Variants in INHBA observed in about 807,000 individuals in gnomAD.
The protein encoded by INHBA is inhibin subunit beta A, also known as inhibin beta A chain.
In INHBA, 1 loss-of-function variant was observed where a neutral mutation model predicts 29.0. The observed-to-expected ratio is 0.03, with a 90% CI of 0.01 to 0.16. The LOEUF (loss-of-function observed/expected upper bound fraction) is 0.16, where lower values mean the gene tolerates loss of function less well. Among genes scored for constraint, INHBA ranks in the 10% least tolerant of loss-of-function variants. The pLI is 1.00. For synonymous variants in INHBA, 242 were observed against 216.8 expected (o/e 1.12, Z -1.02); for missense variants, 376 against 545.4 (o/e 0.69, Z 3.09).
At chr7:41,694,514 C>T (rs866468360) in intron 2 of INHBA, among the ~76,000 whole-genome samples, 16 of 152,196 alleles carry the variant, frequency 1.1e-4, no homozygotes, top group Non-Finnish European at 1.9e-4. Flanking sequence ...TCCCATAGTG[C>T]GCCGTGAGCA....
Position 41,689,462 on chromosome 7 carries a change from T to C in INHBA, c.*188A>G, listed in dbSNP as rs1794450653. The C allele has an allele frequency of 2.5e-5, 14 of 555,526 alleles. No homozygotes were observed. The Admixed American group carries it at 3.1e-4, about 12-fold the overall frequency. The allele number at this position is 555,526 out of a possible 1,614,324, so 34.4% of individuals were successfully genotyped here. Reference sequence around the variant, plus strand: ...CTCTGAGCCCTGGCTAAGGATTTTTTCCACATCTTCCTTCATCTGTTTCAT... The same window carrying C: ...CTCTGAGCCCTGGCTAAGGATTTTTCCCACATCTTCCTTCATCTGTTTCAT... On this transcript the variant is annotated 3_prime_UTR_variant, in exon 3 of 3. Transcript: ENST00000242208.
At chr7:41,701,988 C>T (rs1794807768) in intron 1 of INHBA, among the ~76,000 whole-genome samples, 1 of 152,114 alleles carries the variant, frequency 6.6e-6, no homozygotes, top group African/African-American at 2.4e-5. Context: ...CTTCCCCCTC[C>T]CCTCTTTTTC....
At position 41,689,116 on chromosome 7, in the gene INHBA, G is replaced by A. The variant is rs1439602412; in HGVS notation, c.*534C>T. 8.6e-6 allele frequency: 2 copies of A among 233,528 alleles called. No individual in the cohort carries two copies. Among genetic ancestry groups the A allele is most frequent in the Non-Finnish European group, 1.7e-5 (2 of 118,386 alleles). 14.5% of individuals were successfully genotyped at this position (233,528 alleles called of 1,614,324 possible). ...TGTGGAAATGCCTGTGTGTGTGTGTGTGTGTGTGTGTGTGTGTGTGTATGC... is the reference window on the plus strand; with the variant it reads ...TGTGGAAATGCCTGTGTGTGTGTGTATGTGTGTGTGTGTGTGTGTGTATGC... On this transcript the variant is annotated 3_prime_UTR_variant, in exon 3 of 3. Coordinates refer to ENST00000242208, the MANE Select transcript of INHBA (RefSeq NM_002192.4).
chr7:41,699,870 C>G (rs1352334818), intron 2 of INHBA, 117 bp downstream of exon 2: 4 of 773,448 alleles, frequency 5.2e-6, no homozygotes, highest in Non-Finnish European at 8.3e-6. Flanking sequence ...AACTAATAAC[C>G]TTCCCAGGCA....
chr7:41,699,892 A>T, intron 2 of INHBA, 95 bp downstream of exon 2: 1 of 858,678 alleles, frequency 1.2e-6, no homozygotes, highest in Non-Finnish European at 1.8e-6. Flanking sequence ...TTTCCAGCTG[A>T]AGGGAAAAGA....
chr7:41,703,667 C>T (rs1373275131), upstream of INHBA, among the ~76,000 whole-genome samples: 1 of 151,998 alleles, frequency 6.6e-6, no homozygotes, highest in Non-Finnish European at 1.5e-5. Context: ...AAATTGAATG[C>T]CTGCTTCATA....
At chr7:41,703,493 T>C (rs766765698), upstream of INHBA, among the ~76,000 whole-genome samples, 2 of 152,180 alleles carry the variant, frequency 1.3e-5, no homozygotes, top group Admixed American at 1.3e-4. Flanking sequence ...TATTTTATTG[T>C]TTCTTTCAGG....
chr7:41,694,987 G>T (rs1794611244), intron 2 of INHBA, among the ~76,000 whole-genome samples: 1 of 152,122 alleles, frequency 6.6e-6, no homozygotes, highest in South Asian at 2.1e-4. Context: ...AAAATGTTTT[G>T]AATAAGTCAA....
At chr7:41,704,339 G>A (rs1794863414), upstream of INHBA, among the ~76,000 whole-genome samples, 1 of 151,796 alleles carries the variant, frequency 6.6e-6, no homozygotes, top group East Asian at 1.9e-4. Flanking sequence ...AACTGCATAT[G>A]CAGAAATGAA....
Position 41,689,770 on chromosome 7 carries a change from G to C in INHBA, c.1161C>G (p.Leu387=), listed in dbSNP as rs1794459103. 1 of 1,614,084 alleles carries C rather than the reference G, an allele frequency of 6.2e-7. No homozygotes were observed. The highest frequency in any genetic ancestry group is 8.5e-7 in the Non-Finnish European group (1 of 1,180,020). The part of the protein sequence containing the change: ...RMRGHSPFAN[L]KSCCVPTKLR... Reference sequence around the variant, plus strand: ...GCTTGGTGGGCACACAGCACGATTTGAGGTTGGCAAAGGGGCTATGGCCCC... The same window carrying C: ...GCTTGGTGGGCACACAGCACGATTTCAGGTTGGCAAAGGGGCTATGGCCCC... Residue 387 remains leucine (L), a synonymous_variant, in exon 3 of 3, where the codon CTC becomes CTG. Transcript: ENST00000242208.
In INHBA at chr7:41,687,558, T is replaced by A. The variant is rs1794413605; in HGVS notation, c.*2092A>T. The A allele has an allele frequency of 1.3e-5, 2 of 152,192 alleles. No individual in the cohort carries two copies. Among genetic ancestry groups the A allele is most frequent in the Admixed American group, 1.3e-4 (2 of 15,284 alleles). The allele number at this position is 152,192 out of a possible 1,614,324, so 9.4% of individuals were successfully genotyped here. A position where few individuals can be genotyped will look rare whatever the true frequency, so the allele number is the denominator to read the frequency against. On this transcript the variant is annotated 3_prime_UTR_variant, in exon 3 of 3. Coordinates refer to ENST00000242208, the MANE Select transcript of INHBA (RefSeq NM_002192.4). ...TGATATTTATAAAACAAAGGTGTTT[T>A]TTTTTCATTTCTGCATCTGAATCAA... is the stretch of plus-strand genomic sequence containing the variant.
In INHBA at chr7:41,700,308, T is replaced by G; in HGVS notation, c.67A>C (p.Thr23Pro). ...SCWIIVRSSP[T>P]PGSEGHSAAP... is the part of the protein sequence containing the mutation. ...GCGCTGTGCCCCTCGGATCCTGGGG[T>G]GGGGGAACTCCTCACTATAATCCAG... Residue 23 changes from threonine to proline, a missense_variant, in exon 2 of 3, where the codon ACC becomes CCC. Around this residue, in one of 4 missense-constraint regions of INHBA, gnomAD observed 71 missense variants for 77.0 expected, o/e 0.92. Coordinates refer to ENST00000242208, the MANE Select transcript of INHBA (RefSeq NM_002192.4). The G allele has an allele frequency of 1.3e-6, 2 of 1,570,210 alleles. No homozygotes were observed. Among genetic ancestry groups the G allele is most frequent in the Non-Finnish European group, 1.7e-6 (2 of 1,157,418 alleles).
rs951109248 is a variant in INHBA at position 41,688,798 on chromosome 7, C to T, written c.*852G>A. On this transcript the variant is annotated 3_prime_UTR_variant, in exon 3 of 3. Coordinates refer to ENST00000242208, the MANE Select transcript of INHBA (RefSeq NM_002192.4). Reference sequence around the variant, plus strand: ...AAACATATTCCTTTCAAGTATCTCTCCTTGAAGAAAATAAAAATTAATCAG... The same window carrying T: ...AAACATATTCCTTTCAAGTATCTCTTCTTGAAGAAAATAAAAATTAATCAG... 15 of 201,564 alleles carry T rather than the reference C, an allele frequency of 7.4e-5. 1 individual carries two copies. Among genetic ancestry groups the T allele is most frequent in the African/African-American group, 3.5e-4 (15 of 43,434 alleles). The allele number at this position is 201,564 out of a possible 1,614,324, so 12.5% of individuals were successfully genotyped here.
At position 41,687,426 on chromosome 7, in the gene INHBA, A is replaced by C. The variant is rs1297248068; in HGVS notation, c.*2224T>G. On this transcript the variant is annotated 3_prime_UTR_variant, in exon 3 of 3. Coordinates refer to ENST00000242208, the MANE Select transcript of INHBA (RefSeq NM_002192.4). The stretch of plus-strand genomic sequence containing the variant: ...CAACTTCACACAAGTGTGTAAAAAT[A>C]GGGCTCTGGATTTTCAAAAGCACAT... 1.3e-5 allele frequency: 2 copies of C among 152,332 alleles called. No homozygotes were observed. Among genetic ancestry groups the C allele is most frequent in the East Asian group, 1.9e-4 (1 of 5,188 alleles). 9.4% of individuals were successfully genotyped at this position (152,332 alleles called of 1,614,324 possible). A position where few individuals can be genotyped will look rare whatever the true frequency, so the allele number is the denominator to read the frequency against.
rs1249233562 is a variant in INHBA, at chr7:41,689,528, TTTTTTTGTTTTG to T, written c.*110_*121del. ...ATTTACTTTTGTTTTTTTTTGTTTT[TTTTTTTGTTTTG>T]TTTTTAATTTCTATTTTTCTGGTTA... On this transcript the variant is annotated 3_prime_UTR_variant, in exon 3 of 3. Coordinates refer to ENST00000242208, the MANE Select transcript of INHBA (RefSeq NM_002192.4). The T allele has an allele frequency of 2.4e-6, 2 of 819,516 alleles. No individual in the cohort carries two copies. The highest frequency in any genetic ancestry group is 3.4e-6 in the Non-Finnish European group (2 of 588,978). The allele number at this position is 819,516 out of a possible 1,614,324, so 50.8% of individuals were successfully genotyped here.
At chr7:41,701,760 T>C (rs1794802045) in intron 1 of INHBA, among the ~76,000 whole-genome samples, 1 of 152,216 alleles carries the variant, frequency 6.6e-6, no homozygotes, top group African/African-American at 2.4e-5. Context: ...GAAAAGACTC[T>C]CTAAAATATA....
Position 41,689,523 on chromosome 7 carries a change from G to GTTTTTTTTTTTT in INHBA, c.*126_*127insAAAAAAAAAAAA, listed in dbSNP as rs202220254. 2.0e-6 allele frequency: 1 copy of GTTTTTTTTTTTT among 490,808 alleles called. No individual in the cohort carries two copies. Among genetic ancestry groups the GTTTTTTTTTTTT allele is most frequent in the African/African-American group, 2.3e-5 (1 of 43,824 alleles). The allele number at this position is 490,808 out of a possible 1,614,324, so 30.4% of individuals were successfully genotyped here. The stretch of plus-strand genomic sequence containing the variant: ...TTTTAATTTACTTTTGTTTTTTTTT[G>GTTTTTTTTTTTT]TTTTTTTTTTTGTTTTGTTTTTAAT... On this transcript the variant is annotated 3_prime_UTR_variant, in exon 3 of 3. Coordinates refer to ENST00000242208, the MANE Select transcript of INHBA (RefSeq NM_002192.4).
Position 41,689,558 on chromosome 7 carries a change from T to C in INHBA, c.*92A>G. On this transcript the variant is annotated 3_prime_UTR_variant, in exon 3 of 3. Coordinates refer to ENST00000242208, the MANE Select transcript of INHBA (RefSeq NM_002192.4). ...TTGTTTTGTTTTTAATTTCTATTTT[T>C]CTGGTTAACTCAGAAACCTTAAAAA... 2.0e-6 allele frequency: 2 copies of C among 985,852 alleles called. No homozygotes were observed. Among genetic ancestry groups the C allele is most frequent in the Non-Finnish European group, 2.7e-6 (2 of 732,072 alleles). The allele number at this position is 985,852 out of a possible 1,614,324, so 61.1% of individuals were successfully genotyped here.
intron 2 of INHBA, among the ~76,000 whole-genome samples, chr7:41,692,887 T>G (rs1366842455): frequency 1.3e-5 from 2 of 152,212 alleles, no homozygotes; most frequent in Non-Finnish European, 2.9e-5. Flanking sequence ...CTTAATCATT[T>G]AAATCTAAAA....
Sources: gnomAD v4.1 joint callset for allele counts (sites outside exome capture counted in the v4.1 genomes callset) on GRCh38, gnomAD v4.1.1 for gene constraint, gnomAD v4.1.1 regional missense constraint, MANE v1.5 for transcripts, NCBI Gene and HGNC (gene_info 2026-07-23, HGNC 2026-07-21) for gene names.